The following SKAP1 variants were observed in gnomAD, a reference collection of about 807,000 sequenced individuals.
The protein encoded by SKAP1 is src kinase-associated phosphoprotein 1.
A neutral mutation model predicts 58.5 loss-of-function variants in SKAP1; 44 were observed. That is an observed-to-expected ratio of 0.75 (90% confidence interval 0.59 to 0.97). SKAP1 has a LOEUF of 0.97. Among genes scored for constraint, SKAP1 ranks in the 50% least tolerant of loss-of-function variants. The pLI, the probability that SKAP1 is intolerant of heterozygous loss-of-function variation, is 0.00. For missense variants in SKAP1, 390 were observed against 435.2 expected (o/e 0.90, Z 0.92); for synonymous variants, 127 against 149.7 (o/e 0.85, Z 1.11).
intron 4 of SKAP1, among the ~76,000 whole-genome samples, chr17:48,328,489 G>A (rs910710065): frequency 7.9e-5 from 12 of 151,982 alleles, no homozygotes; most frequent in Middle Eastern, 6.3e-3. Flanking sequence ...ATTTCTATAG[G>A]ATGATAGCAG....
chr17:48,293,744 G>C (rs1368197311), intron 4 of SKAP1, among the ~76,000 whole-genome samples: 1 of 152,158 alleles, frequency 6.6e-6, no homozygotes, highest in East Asian at 1.9e-4. Context: ...TAAGTAAAGA[G>C]GGAACATGGA....
chr17:48,137,784 T>G (rs73985485), intron 11 of SKAP1, among the ~76,000 whole-genome samples: 1,543 of 152,346 alleles, frequency 0.01, 24 homozygotes, highest in African/African-American at 0.036. Context: ...GAAGATTGCT[T>G]GCTCCTTGGG....
chr17:48,371,973 C>T (rs555414550), intron 2 of SKAP1, among the ~76,000 whole-genome samples: 3 of 152,098 alleles, frequency 2.0e-5, no homozygotes, highest in Admixed American at 2.0e-4. Flanking sequence ...TATGCATATA[C>T]ATCATATATA....
intron 4 of SKAP1, among the ~76,000 whole-genome samples, chr17:48,216,597 T>C (rs561740051): frequency 6.6e-6 from 1 of 152,032 alleles, no homozygotes; most frequent in Admixed American, 6.6e-5. Flanking sequence ...GATCAAGGGA[T>C]CCTCTCACCT....
chr17:48,384,924 C>T (rs1197341241), intron 2 of SKAP1, among the ~76,000 whole-genome samples: 1 of 152,030 alleles, frequency 6.6e-6, no homozygotes, highest in African/African-American at 2.4e-5. Context: ...ATGTAACTGC[C>T]TCCTAAGGAG....
chr17:48,310,202 C>T (rs2066205005), intron 4 of SKAP1, among the ~76,000 whole-genome samples: 1 of 152,172 alleles, frequency 6.6e-6, no homozygotes, highest in African/African-American at 2.4e-5. Context: ...TGAAGAAATG[C>T]ATCAATTTGT....
intron 4 of SKAP1, among the ~76,000 whole-genome samples, chr17:48,312,304 G>C (rs2066233236): frequency 6.6e-6 from 1 of 152,092 alleles, no homozygotes; most frequent in African/African-American, 2.4e-5. Flanking sequence ...TTTAATATCT[G>C]CAAGAATTTT....
intron 2 of SKAP1, among the ~76,000 whole-genome samples, chr17:48,367,914 CAAA>C (rs66499523): frequency 6.8e-5 from 9 of 132,908 alleles, no homozygotes; most frequent in Non-Finnish European, 6.5e-5. Flanking sequence ...GATCCTGTCT[CAAA>C]AAAAAAAAAA....
intron 4 of SKAP1, among the ~76,000 whole-genome samples, chr17:48,244,332 C>T (rs757826721): frequency 1.1e-4 from 16 of 152,094 alleles, no homozygotes; most frequent in Non-Finnish European, 2.4e-4. Context: ...ACAGTGTGTT[C>T]GGTGGGAACA....
intron 1 of SKAP1, among the ~76,000 whole-genome samples, chr17:48,412,312 G>C (rs1382209665): frequency 6.6e-6 from 1 of 152,178 alleles, no homozygotes; most frequent in Non-Finnish European, 1.5e-5. Flanking sequence ...TCTCTGGGTA[G>C]TGAATTGCTG....
At chr17:48,252,823 T>C (rs1315144544) in intron 4 of SKAP1, among the ~76,000 whole-genome samples, 1 of 151,984 alleles carries the variant, frequency 6.6e-6, no homozygotes, top group African/African-American at 2.4e-5. Flanking sequence ...AACTTTGATT[T>C]ATATACTGTA....
At chr17:48,249,567 G>A (rs535997888) in intron 4 of SKAP1, among the ~76,000 whole-genome samples, 2 of 151,922 alleles carry the variant, frequency 1.3e-5, no homozygotes, top group South Asian at 4.2e-4. Context: ...CTAGCTACTC[G>A]GGAGGCTGCG....
At chr17:48,153,262 T>TGC (rs1226886085) in intron 11 of SKAP1, among the ~76,000 whole-genome samples, 2 of 152,168 alleles carry the variant, frequency 1.3e-5, no homozygotes, top group East Asian at 3.8e-4. Context: ...TGCATGCATA[T>TGC]GCACACACAC....
intron 4 of SKAP1, among the ~76,000 whole-genome samples, chr17:48,240,939 T>C (rs965660328): frequency 6.6e-6 from 1 of 152,226 alleles, no homozygotes; most frequent in Non-Finnish European, 1.5e-5. Flanking sequence ...AAGTCCCTAG[T>C]GTACTCTGAG....
intron 2 of SKAP1, among the ~76,000 whole-genome samples, chr17:48,372,338 C>A (rs2067098281): frequency 6.6e-6 from 1 of 151,582 alleles, no homozygotes; most frequent in Non-Finnish European, 1.5e-5. Context: ...CGGAGTTTTG[C>A]TCTTGTTGCC....
At chr17:48,192,704 C>T (rs2064564657) in intron 4 of SKAP1, among the ~76,000 whole-genome samples, 1 of 152,264 alleles carries the variant, frequency 6.6e-6, no homozygotes, top group South Asian at 2.1e-4. Flanking sequence ...AGCACTGCTT[C>T]GCTTATTTAA....
chr17:48,298,410 A>G (rs1290631048), intron 4 of SKAP1, among the ~76,000 whole-genome samples: 1 of 152,204 alleles, frequency 6.6e-6, no homozygotes, highest in Non-Finnish European at 1.5e-5. Context: ...AATTCTAGAA[A>G]AGTAGATGAT....
intron 4 of SKAP1, among the ~76,000 whole-genome samples, chr17:48,195,425 C>T (rs1412506285): frequency 6.6e-6 from 1 of 152,122 alleles, no homozygotes; most frequent in African/African-American, 2.4e-5. Context: ...TACACTTATA[C>T]CACACATTTT....
intron 9 of SKAP1, 146 bp downstream of exon 9, chr17:48,179,908 C>T: frequency 1.4e-6 from 1 of 697,396 alleles, no homozygotes; most frequent in Non-Finnish European, 2.3e-6. Flanking sequence ...CACTTCCCTA[C>T]AATCTCATAA....
Sources: gnomAD v4.1 joint callset for allele counts (sites outside exome capture counted in the v4.1 genomes callset) on GRCh38, gnomAD v4.1.1 for gene constraint, MANE v1.5 for transcripts, NCBI Gene and HGNC (gene_info 2026-07-23, HGNC 2026-07-21) for gene names.